The following C12orf54 variants were observed in gnomAD, a reference collection of about 807,000 sequenced individuals.
C12orf54 encodes chromosome 12 open reading frame 54, also known as uncharacterized protein C12orf54.
Under a neutral mutation model 26.4 loss-of-function variants are expected in C12orf54, and 24 were observed. The observed-to-expected ratio is 0.91, with a 90% CI of 0.66 to 1.28. The LOEUF (loss-of-function observed/expected upper bound fraction) is 1.28, where lower values mean the gene tolerates loss of function less well. C12orf54 is among the 50% of genes most tolerant of loss of function. The pLI is 0.00. For missense variants in C12orf54, 154 were observed against 150.9 expected, an observed-to-expected ratio of 1.02 and a Z score of -0.11; for synonymous variants, 54 against 47.0, an observed-to-expected ratio of 1.15 and a Z score of -0.61.
intron 4 of C12orf54, chr12:48,488,326 G>T: frequency 1.9e-6 from 1 of 539,100 alleles, no homozygotes; most frequent in Non-Finnish European, 3.5e-6. Flanking sequence ...GATACCTACA[G>T]ACAGAATGCT....
chr12:48,485,098 G>A (rs1419025047), intron 2 of C12orf54, among the ~76,000 whole-genome samples: 5 of 151,840 alleles, frequency 3.3e-5, no homozygotes, highest in South Asian at 2.1e-4. Context: ...TATTTTTAGC[G>A]ACAGGGCTTG....
At chr12:48,495,389 T>C (rs1937890547) in intron 8 of C12orf54, among the ~76,000 whole-genome samples, 1 of 152,212 alleles carries the variant, frequency 6.6e-6, no homozygotes, top group Non-Finnish European at 1.5e-5. Flanking sequence ...AAACTTGCAC[T>C]ACTTTGGGGG....
At chr12:48,447,797 T>G in the C12orf54 span, among the ~76,000 whole-genome samples, 6 of 152,216 alleles carry the variant, frequency 3.9e-5, no homozygotes, top group Non-Finnish European at 5.9e-5. Flanking sequence ...AGGGAGATTA[T>G]CTTGGATTAT....
At chr12:48,492,492 G>A (rs368568367) in intron 6 of C12orf54, among the ~76,000 whole-genome samples, 3 of 152,088 alleles carry the variant, frequency 2.0e-5, no homozygotes, top group South Asian at 2.1e-4. Context: ...TGATTACCTG[G>A]GCTGTAAAAA....
At position 48,483,363 on chromosome 12, in the gene C12orf54, T is replaced by C. The variant is rs2137084449; in HGVS notation, c.65+2T>C. 5.0e-6 allele frequency: 8 copies of C among 1,613,254 alleles called. No individual in the cohort carries two copies. In the East Asian group the frequency reaches 1.8e-4, roughly 36 times the overall value. On this transcript the variant is annotated splice_donor_variant, in intron 2 of 8. Transcript: ENST00000548364. LOFTEE classifies it high-confidence loss of function. ...AATGACCTCCAAGCAGCAGAGAAGG[T>C]AATGGGGCTAATGATGACCCTCAAA...
At chr12:48,465,832 T>C in the C12orf54 span, among the ~76,000 whole-genome samples, 3 of 152,168 alleles carry the variant, frequency 2.0e-5, no homozygotes. Flanking sequence ...AAATTCCACA[T>C]GTTCTCACTT....
chr12:48,448,814 A>T, the C12orf54 span, among the ~76,000 whole-genome samples: 1 of 152,248 alleles, frequency 6.6e-6, no homozygotes, highest in South Asian at 2.1e-4. Flanking sequence ...TGAACCAAAT[A>T]TAAGTGACCA....
the C12orf54 span, among the ~76,000 whole-genome samples, chr12:48,428,224 A>G: frequency 1.3e-5 from 2 of 152,180 alleles, no homozygotes; most frequent in African/African-American, 4.8e-5. Flanking sequence ...AAAGACTGAA[A>G]GAGCACAAAC....
the C12orf54 span, among the ~76,000 whole-genome samples, chr12:48,431,229 C>T: frequency 6.6e-6 from 1 of 152,096 alleles, no homozygotes; most frequent in Non-Finnish European, 1.5e-5. Context: ...CAAAATCTCA[C>T]AAATCACCAC....
the C12orf54 span, chr12:48,473,475 T>A: frequency 6.5e-6 from 3 of 463,288 alleles, no homozygotes; most frequent in African/African-American, 6.1e-5. Flanking sequence ...CCGTATCCCC[T>A]CCCCCACTCC....
the C12orf54 span, among the ~76,000 whole-genome samples, chr12:48,436,254 T>C: frequency 6.6e-6 from 1 of 152,144 alleles, no homozygotes; most frequent in Non-Finnish European, 1.5e-5. Context: ...ACCAGATTCA[T>C]AAAGCAAGTC....
At chr12:48,427,143 C>T in the C12orf54 span, among the ~76,000 whole-genome samples, 1 of 152,106 alleles carries the variant, frequency 6.6e-6, no homozygotes, top group South Asian at 2.1e-4. Flanking sequence ...AGAGGGCATC[C>T]TTGTCTTGTG....
chr12:48,454,173 C>T, the C12orf54 span, among the ~76,000 whole-genome samples: 6 of 148,336 alleles, frequency 4.0e-5, no homozygotes. Context: ...TCTCAGCTCA[C>T]TGCAACCTCT....
At chr12:48,472,761 A>C in the C12orf54 span, 1 of 1,614,230 alleles carries the variant, frequency 6.2e-7, no homozygotes, top group Non-Finnish European at 8.5e-7. Flanking sequence ...AAATGAAGGC[A>C]AATTGGAAGG....
the C12orf54 span, among the ~76,000 whole-genome samples, chr12:48,435,480 T>A: frequency 1.3e-5 from 2 of 151,910 alleles, no homozygotes; most frequent in African/African-American, 2.4e-5. Flanking sequence ...AAAGTGGAAA[T>A]GAAGGAAAAA....
chr12:48,493,310 G>C (rs1937832260), intron 7 of C12orf54, among the ~76,000 whole-genome samples: 1 of 152,120 alleles, frequency 6.6e-6, no homozygotes, highest in South Asian at 2.1e-4. Context: ...TGACAGCTAG[G>C]AAAGGAAGGC....
the C12orf54 span, among the ~76,000 whole-genome samples, chr12:48,476,018 G>T: frequency 6.6e-6 from 1 of 151,874 alleles, no homozygotes; most frequent in Non-Finnish European, 1.5e-5. Flanking sequence ...TACCCACAAA[G>T]GGAAGCCCAT....
At chr12:48,483,166 G>GAC in intron 1 of C12orf54, 74 bp from the exon 2 acceptor site, 1 of 675,706 alleles carries the variant, frequency 1.5e-6, no homozygotes, top group South Asian at 1.9e-5. Context: ...ACTGCTGGTA[G>GAC]TTCTCCACTG....
the C12orf54 span, among the ~76,000 whole-genome samples, chr12:48,471,764 A>G: frequency 6.6e-6 from 1 of 152,172 alleles, no homozygotes. Flanking sequence ...GATAGTTTGA[A>G]GTCAGGTAGT....
Sources: allele counts gnomAD v4.1 joint callset (sites outside exome capture counted in the v4.1 genomes callset), GRCh38; gene constraint gnomAD v4.1.1; transcripts MANE v1.5; gene names NCBI Gene and HGNC (gene_info 2026-07-23, HGNC 2026-07-21).